KCNB2: variants seen among roughly 807,000 people sequenced by gnomAD.
The protein encoded by KCNB2 is delayed rectifier potassium channel protein.
A neutral mutation model predicts 61.5 loss-of-function variants in KCNB2; 15 were observed. That is an observed-to-expected ratio of 0.24 (90% CI 0.16 to 0.38). KCNB2 has a LOEUF of 0.38. Ranked by LOEUF, KCNB2 falls within the 10% of genes least tolerant of loss-of-function variation. KCNB2 has a pLI of 1.00. For missense variants in KCNB2, 828 were observed against 1,125.2 expected (o/e 0.74, Z 3.78); for synonymous variants, 457 against 446.0 (o/e 1.02, Z -0.31).
chr8:72,637,142 T>C (rs956459973), intron 2 of KCNB2, among the ~76,000 whole-genome samples: 59 of 152,260 alleles, frequency 3.9e-4, no homozygotes, highest in African/African-American at 1.3e-3. Context: ...CACATCACAG[T>C]CTTACGCCTC....
chr8:72,831,169 C>T (rs949930856), intron 2 of KCNB2, among the ~76,000 whole-genome samples: 1 of 152,146 alleles, frequency 6.6e-6, no homozygotes, highest in Non-Finnish European at 1.5e-5. Context: ...TGCGGGCTAC[C>T]CCAGGATGGT....
At chr8:72,605,613 T>G (rs1425124745) in intron 2 of KCNB2, among the ~76,000 whole-genome samples, 1 of 152,176 alleles carries the variant, frequency 6.6e-6, no homozygotes, top group African/African-American at 2.4e-5. Context: ...GAGGGCTGTA[T>G]TTAAGTATTT....
At chr8:72,619,394 G>A (rs1362066456) in intron 2 of KCNB2, 2 of 466,362 alleles carry the variant, frequency 4.3e-6, no homozygotes, top group Non-Finnish European at 8.4e-6. Flanking sequence ...TTCAAGTCAT[G>A]TATTACCAGG....
At chr8:72,623,463 T>G (rs1208287924) in intron 2 of KCNB2, among the ~76,000 whole-genome samples, 1 of 152,220 alleles carries the variant, frequency 6.6e-6, no homozygotes, top group Non-Finnish European at 1.5e-5. Flanking sequence ...AAGCAAAGGC[T>G]GTGATCTGCA....
At chr8:72,667,006 T>TGTGTGAGAGAGA (rs141712140) in intron 2 of KCNB2, among the ~76,000 whole-genome samples, 31 of 147,936 alleles carry the variant, frequency 2.1e-4, no homozygotes, top group East Asian at 8.3e-4. Flanking sequence ...TGTGTGTGTG[T>TGTGTGAGAGAGA]GAGAGAGAGA....
At chr8:72,629,549 T>A (rs1805846686) in intron 2 of KCNB2, among the ~76,000 whole-genome samples, 1 of 152,188 alleles carries the variant, frequency 6.6e-6, no homozygotes, top group Admixed American at 6.5e-5. Context: ...ATGACTGGCG[T>A]GGCTGGGAAA....
chr8:72,691,223 T>C (rs1362868585), intron 2 of KCNB2, among the ~76,000 whole-genome samples: 2 of 152,230 alleles, frequency 1.3e-5, no homozygotes, highest in Non-Finnish European at 2.9e-5. Flanking sequence ...TGTACCTCCC[T>C]GAGTACCAGA....
intron 2 of KCNB2, among the ~76,000 whole-genome samples, chr8:72,638,718 A>C (rs1262463366): frequency 2.0e-5 from 3 of 152,140 alleles, no homozygotes; most frequent in African/African-American, 7.2e-5. Context: ...AAAACTCAGA[A>C]GCCATTTAAT....
chr8:72,884,081 C>T (rs1252085316), intron 2 of KCNB2, among the ~76,000 whole-genome samples: 1 of 152,132 alleles, frequency 6.6e-6, no homozygotes, highest in Non-Finnish European at 1.5e-5. Context: ...TTTTCTAGTA[C>T]TTGGCATTGT....
At chr8:72,842,715 T>C (rs1809913509) in intron 2 of KCNB2, among the ~76,000 whole-genome samples, 1 of 152,242 alleles carries the variant, frequency 6.6e-6, no homozygotes. Context: ...TTCTAGTTTA[T>C]TTCTGTAGAG....
intron 2 of KCNB2, among the ~76,000 whole-genome samples, chr8:72,740,403 A>G (rs935227081): frequency 1.2e-4 from 19 of 152,172 alleles, no homozygotes; most frequent in African/African-American, 4.1e-4. Context: ...GTAACTGGCT[A>G]AGGCTTCAAG....
chr8:72,610,568 A>G (rs1451942276), intron 2 of KCNB2, among the ~76,000 whole-genome samples: 2 of 152,194 alleles, frequency 1.3e-5, no homozygotes, highest in African/African-American at 4.8e-5. Context: ...TAATAATAGC[A>G]ACCAAAAAAA....
intron 2 of KCNB2, among the ~76,000 whole-genome samples, chr8:72,647,603 C>A (rs1806149694): frequency 6.6e-6 from 1 of 152,038 alleles, no homozygotes; most frequent in Non-Finnish European, 1.5e-5. Context: ...ATTCAGTAAC[C>A]ACTGACAGTG....
At chr8:72,779,766 G>C (rs966714011) in intron 2 of KCNB2, among the ~76,000 whole-genome samples, 29 of 152,150 alleles carry the variant, frequency 1.9e-4, no homozygotes, top group Non-Finnish European at 4.4e-5. Context: ...TGTGGCGATT[G>C]AATGATATTG....
chr8:72,926,215 C>T (rs916746906), intron 2 of KCNB2, among the ~76,000 whole-genome samples: 60 of 152,146 alleles, frequency 3.9e-4, no homozygotes, highest in African/African-American at 1.4e-3. Context: ...CAAATCTGCA[C>T]ATCCTGCACA....
At position 72,937,135 on chromosome 8, in the gene KCNB2, A is replaced by G. The variant is rs758757745; in HGVS notation, c.1780A>G (p.Ile594Val). ...GCTGGCCGTGGCACAGACCGAGGTC[A>G]TTGTGGACATGAAGAGCACCTCCAG... ...EQLAVAQTEV[I>V]VDMKSTSSID... Residue 594 changes from isoleucine (I) to valine (V), a missense_variant, in exon 3 of 3, where the codon ATT becomes GTT. Around this residue, in one of 4 missense-constraint regions of KCNB2, gnomAD observed 559 missense variants for 588.4 expected, o/e 0.95. Transcript: ENST00000523207. 4.3e-6 allele frequency: 7 copies of G among 1,614,184 alleles called. No individual in the cohort carries two copies. The South Asian group carries it at 7.7e-5, about 18-fold the overall frequency.
Position 72,936,899 on chromosome 8 carries a change from T to A in KCNB2, c.1544T>A (p.Val515Asp). ...TCTTTCGAGAATAAGTACCAGGAGG[T>A]TAGCCAAAAAGACTCCCACGAGCAG... ...NKSFENKYQE[V>D]SQKDSHEQLN... Residue 515 changes from valine (V) to aspartate (D), a missense_variant, in exon 3 of 3, where the codon GTT becomes GAT. Transcript: ENST00000523207. The surrounding 1 kb of genome is among the most constrained non-coding windows in gnomAD (Gnocchi z 5.6). The A allele has an allele frequency of 6.2e-7, 1 of 1,613,550 alleles. No homozygotes were observed. The highest frequency in any genetic ancestry group is 8.5e-7 in the Non-Finnish European group (1 of 1,179,882).
chr8:72,637,231 G>C (rs1450056996), intron 2 of KCNB2, among the ~76,000 whole-genome samples: 2 of 152,092 alleles, frequency 1.3e-5, no homozygotes, highest in Non-Finnish European at 2.9e-5. Flanking sequence ...GAATTTAGTA[G>C]TGTTACTAGA....
intron 2 of KCNB2, among the ~76,000 whole-genome samples, chr8:72,650,041 G>T (rs1806189862): frequency 1.3e-5 from 2 of 152,130 alleles, no homozygotes; most frequent in Non-Finnish European, 2.9e-5. Context: ...TGTCACTATG[G>T]ATCATAAAGG....
Sources: gnomAD v4.1 joint callset for allele counts (sites outside exome capture counted in the v4.1 genomes callset) on GRCh38, gnomAD v4.1.1 for gene constraint, gnomAD v4.1.1 regional missense constraint, Gnocchi (gnomAD v3.1) non-coding constraint, MANE v1.5 for transcripts, NCBI Gene and HGNC (gene_info 2026-07-23, HGNC 2026-07-21) for gene names.